The following PLCH1 variants were observed in gnomAD, a reference collection of about 807,000 sequenced individuals.
PLCH1 encodes 1-phosphatidylinositol 4,5-bisphosphate phosphodiesterase eta-1.
A neutral mutation model predicts 126.7 loss-of-function variants in PLCH1; 60 were observed. The observed-to-expected ratio is 0.47, with a 90% CI of 0.38 to 0.59. The LOEUF (loss-of-function observed/expected upper bound fraction) is 0.59, where lower values mean the gene tolerates loss of function less well. PLCH1 is among the 20% of genes least tolerant of loss of function. PLCH1 has a pLI of 0.00. For missense variants in PLCH1, 1,723 were observed against 2,040.0 expected, an observed-to-expected ratio of 0.84 and a Z score of 2.99; for synonymous variants, 719 against 734.9, an observed-to-expected ratio of 0.98 and a Z score of 0.35.
In PLCH1 at chr3:155,481,324, T is replaced by C. The variant is rs1323997766; in HGVS notation, c.4702A>G (p.Arg1568Gly). Reference sequence around the variant, plus strand: ...CTCTGACTTCTGGATGACAACTTCCTGACCAGTGCCCGGGGGAGCTGATTG... The same window carrying C: ...CTCTGACTTCTGGATGACAACTTCCCGACCAGTGCCCGGGGGAGCTGATTG... ...DANQLPRALV[R>G]KLSSRSQSRV... is the part of the protein sequence containing the mutation. Residue 1568 changes from arginine to glycine, a missense_variant, in exon 23 of 23, where the codon AGG becomes GGG. Around this residue, in one of 2 missense-constraint regions of PLCH1, gnomAD observed 947 missense variants for 977.1 expected, o/e 0.97. Coordinates refer to ENST00000460012, the MANE Select transcript of PLCH1 (RefSeq NM_014996.4). This position sits in a 1 kb window ranked among gnomAD's most constrained non-coding sequence, Gnocchi z 4.2. 7 of 1,614,268 alleles carry C rather than the reference T, an allele frequency of 4.3e-6. No homozygotes were observed. The highest frequency in any genetic ancestry group is 4.5e-5 in the East Asian group (2 of 44,896).
chr3:155,497,348 G>A lies in PLCH1; in HGVS notation c.1866C>T (p.Ser622=), dbSNP rs572724646. The part of the protein sequence containing the change: ...ELSDLVVYTN[S]VAAQDIVDDG... ...CATCCACAATGTCCTGAGCGGCCACGGAGTTTGTGTACACAACCAAATCAG... is the reference window on the plus strand; with the variant it reads ...CATCCACAATGTCCTGAGCGGCCACAGAGTTTGTGTACACAACCAAATCAG... The change falls in exon 15 of 23, where the codon TCC becomes TCT. Residue 622 remains serine, a synonymous_variant. Transcript: ENST00000460012. 1.1e-5 allele frequency: 18 copies of A among 1,613,142 alleles called. 1 individual carries two copies. Among genetic ancestry groups the A allele is most frequent in the Middle Eastern group, 1.7e-4 (1 of 6,056 alleles).
At chr3:155,561,368 G>A (rs1371392714) in intron 8 of PLCH1, among the ~76,000 whole-genome samples, 2 of 148,596 alleles carry the variant, frequency 1.3e-5, no homozygotes, top group East Asian at 2.0e-4. Flanking sequence ...CCACCTATGA[G>A]TGAGAATATG....
intron 2 of PLCH1, among the ~76,000 whole-genome samples, chr3:155,606,126 C>T (rs1348216806): frequency 2.0e-5 from 3 of 152,126 alleles, no homozygotes; most frequent in African/African-American, 7.2e-5. Flanking sequence ...TACGTATATT[C>T]AAAAGGGCTT....
intron 9 of PLCH1, among the ~76,000 whole-genome samples, chr3:155,552,822 G>C (rs1266438474): frequency 1.3e-5 from 2 of 152,174 alleles, no homozygotes; most frequent in Non-Finnish European, 2.9e-5. Context: ...ATGAACCAAA[G>C]GGGAAATAAA....
chr3:155,660,137 AACGT>A (rs1357312003), intron 2 of PLCH1, among the ~76,000 whole-genome samples: 2 of 152,198 alleles, frequency 1.3e-5, no homozygotes, highest in African/African-American at 2.4e-5. Context: ...CTGAATTATG[AACGT>A]GGCTGCCCAC....
At chr3:155,622,434 G>T (rs1385196618) in intron 2 of PLCH1, among the ~76,000 whole-genome samples, 3 of 152,124 alleles carry the variant, frequency 2.0e-5, no homozygotes, top group African/African-American at 7.2e-5. Context: ...ATGTAAATGG[G>T]CTAAATGCCC....
At chr3:155,688,676 T>A (rs1235173941) in intron 2 of PLCH1, among the ~76,000 whole-genome samples, 2 of 152,046 alleles carry the variant, frequency 1.3e-5, no homozygotes, top group African/African-American at 4.8e-5. Flanking sequence ...CCTTGAAGGG[T>A]GGGTCCCAGG....
At chr3:155,493,379 C>CT (rs1264136741) in intron 17 of PLCH1, among the ~76,000 whole-genome samples, 16 of 152,146 alleles carry the variant, frequency 1.1e-4, no homozygotes, top group Non-Finnish European at 2.1e-4. Context: ...ACACATTATC[C>CT]TTTTTTTGCT....
intron 1 of PLCH1, among the ~76,000 whole-genome samples, chr3:155,736,677 T>C (rs1749199431): frequency 6.6e-6 from 1 of 152,136 alleles, no homozygotes; most frequent in Admixed American, 6.5e-5. Context: ...GTTATCGAAA[T>C]CCAGAAGACC....
At chr3:155,490,717 T>C (rs1716049528) in intron 19 of PLCH1, 67 bp downstream of exon 19, 2 of 911,500 alleles carry the variant, frequency 2.2e-6, no homozygotes, top group East Asian at 2.4e-5. Flanking sequence ...ACATAGACAC[T>C]TTTTTTAGTG....
At chr3:155,672,130 A>G (rs1013038083) in intron 2 of PLCH1, among the ~76,000 whole-genome samples, 12 of 152,144 alleles carry the variant, frequency 7.9e-5, no homozygotes, top group Non-Finnish European at 8.8e-5. Flanking sequence ...AACGTAAAAT[A>G]TGATGAATCC....
At chr3:155,612,711 G>C (rs529855341) in intron 2 of PLCH1, among the ~76,000 whole-genome samples, 7 of 151,922 alleles carry the variant, frequency 4.6e-5, no homozygotes, top group Non-Finnish European at 4.4e-5. Context: ...GGGAGTTCGA[G>C]ATCAGTGACT....
At chr3:155,544,878 A>G (rs970072860) in intron 10 of PLCH1, among the ~76,000 whole-genome samples, 3 of 151,466 alleles carry the variant, frequency 2.0e-5, no homozygotes, top group African/African-American at 7.3e-5. Context: ...TCTGGGACAC[A>G]TTCAAAGCAG....
chr3:155,738,606 A>G (rs556883065), intron 1 of PLCH1, among the ~76,000 whole-genome samples: 1 of 151,972 alleles, frequency 6.6e-6, no homozygotes, highest in East Asian at 1.9e-4. Context: ...ACACGGTGAA[A>G]CCCTGTCTCT....
downstream of PLCH1, among the ~76,000 whole-genome samples, chr3:155,477,593 A>T (rs1713597239): frequency 6.6e-6 from 1 of 152,208 alleles, no homozygotes; most frequent in African/African-American, 2.4e-5. Flanking sequence ...ACAGATTTTA[A>T]TAGACATTTC....
At chr3:155,451,954 C>A (rs1712317468) in intron 21 of PLCH1, among the ~76,000 whole-genome samples, 1 of 152,082 alleles carries the variant, frequency 6.6e-6, no homozygotes, top group African/African-American at 2.4e-5. Context: ...TCTCAGTCCC[C>A]ATAATCACAT....
chr3:155,528,188 T>A (rs1722215559), intron 10 of PLCH1, among the ~76,000 whole-genome samples: 1 of 148,662 alleles, frequency 6.7e-6, no homozygotes, highest in African/African-American at 2.5e-5. Context: ...TGCACCATTG[T>A]ACTCCAGCCT....
chr3:155,566,998 A>T (rs1327710372), intron 7 of PLCH1, among the ~76,000 whole-genome samples: 1 of 152,240 alleles, frequency 6.6e-6, no homozygotes, highest in African/African-American at 2.4e-5. Context: ...TTCTTAGCAC[A>T]GAAAAGGCCC....
At chr3:155,582,075 C>CTTTTTTTTTTTTTTTTTTT (rs869254665) in intron 6 of PLCH1, among the ~76,000 whole-genome samples, 1 of 64,120 alleles carries the variant, frequency 1.6e-5, no homozygotes, top group Non-Finnish European at 2.7e-5. Context: ...TCTTTTCTTT[C>CTTTTTTTTTTTTTTTTTTT]TTTTTTTTTT....
Sources: gnomAD v4.1 joint callset for allele counts (sites outside exome capture counted in the v4.1 genomes callset) on GRCh38, gnomAD v4.1.1 for gene constraint, gnomAD v4.1.1 regional missense constraint, Gnocchi (gnomAD v3.1) non-coding constraint, MANE v1.5 for transcripts, NCBI Gene and HGNC (gene_info 2026-07-23, HGNC 2026-07-21) for gene names.